The following KIAA1671 variants were observed in gnomAD, a reference collection of about 807,000 sequenced individuals.
KIAA1671 encodes uncharacterized protein KIAA1671.
KIAA1671 carries 52 observed loss-of-function variants against 131.2 expected under a neutral mutation model. The observed-to-expected ratio is 0.40, with a 90% CI of 0.32 to 0.50. KIAA1671 has a LOEUF of 0.50. Among genes scored for constraint, KIAA1671 ranks in the 20% least tolerant of loss-of-function variants. The probability of loss-of-function intolerance (pLI) is 0.73; values close to 1 mark genes in which losing one functional copy is unlikely to be tolerated. For missense variants in KIAA1671, 2,360 were observed against 2,364.2 expected (o/e 1.00, Z 0.04); for synonymous variants, 1,003 against 961.6 (o/e 1.04, Z -0.80).
intron 6 of KIAA1671, among the ~76,000 whole-genome samples, chr22:25,098,261 G>GA (rs956006350): frequency 2.4e-4 from 37 of 152,284 alleles, no homozygotes; most frequent in Non-Finnish European, 4.4e-4. Context: ...GCAGGGAAGA[G>GA]AAGGCAAATA....
intron 6 of KIAA1671, among the ~76,000 whole-genome samples, chr22:25,084,527 A>G (rs1929597127): frequency 6.6e-6 from 1 of 150,932 alleles, no homozygotes; most frequent in Admixed American, 6.6e-5. Context: ...TGATCCTCCC[A>G]GATTCTGCAG....
At chr22:24,980,953 G>A (rs1174714517) in intron 1 of KIAA1671, among the ~76,000 whole-genome samples, 2 of 151,878 alleles carry the variant, frequency 1.3e-5, no homozygotes, top group African/African-American at 2.4e-5. Context: ...CACCATGTTG[G>A]CCAGGCTGGT....
chr22:25,195,771 C>G lies in KIAA1671; in HGVS notation c.*3370C>G, dbSNP rs1347518564. 6.6e-6 allele frequency: 1 copy of G among 152,100 alleles called. No individual in the cohort carries two copies. Among genetic ancestry groups the G allele is most frequent in the Non-Finnish European group, 1.5e-5 (1 of 68,024 alleles). 9.4% of individuals were successfully genotyped at this position (152,100 alleles called of 1,614,324 possible). ...TAATGCCCCCAGATGGCTCCTGGAA[C>G]TAGTCGTAATTGCAAACTGTAAAAA... On this transcript the variant is annotated 3_prime_UTR_variant, in exon 13 of 13. Transcript: ENST00000358431.
chr22:25,067,026 C>A (rs1033321425), intron 6 of KIAA1671, among the ~76,000 whole-genome samples: 16 of 152,158 alleles, frequency 1.1e-4, no homozygotes, highest in African/African-American at 3.4e-4. Context: ...CAGCCACACT[C>A]CCCGGGCTGC....
chr22:25,021,829 C>T (rs1602073565), intron 1 of KIAA1671, among the ~76,000 whole-genome samples: 2 of 151,866 alleles, frequency 1.3e-5, no homozygotes, highest in African/African-American at 4.8e-5. Flanking sequence ...CTCTGTTGCC[C>T]AGGCTGGAGT....
chr22:25,024,856 G>T (rs1253892663), intron 1 of KIAA1671, among the ~76,000 whole-genome samples: 1 of 151,696 alleles, frequency 6.6e-6, no homozygotes, highest in African/African-American at 2.4e-5. Flanking sequence ...CGTATTAAAT[G>T]TAACAGTGTA....
intron 6 of KIAA1671, among the ~76,000 whole-genome samples, chr22:25,092,878 C>A (rs1198991069): frequency 6.6e-6 from 1 of 152,176 alleles, no homozygotes; most frequent in Non-Finnish European, 1.5e-5. Flanking sequence ...AGAGGAGAGG[C>A]TGGCCTGGGC....
chr22:25,096,597 C>T (rs575616622), intron 6 of KIAA1671, among the ~76,000 whole-genome samples: 35 of 152,336 alleles, frequency 2.3e-4, no homozygotes, highest in Admixed American at 2.1e-3. Context: ...GAGCCAACAC[C>T]ATTATTATTT....
intron 6 of KIAA1671, among the ~76,000 whole-genome samples, chr22:25,121,004 G>C (rs1931911564): frequency 6.6e-6 from 1 of 152,174 alleles, no homozygotes; most frequent in Non-Finnish European, 1.5e-5. Flanking sequence ...AGGCCCCTTT[G>C]TTACTCTCAC....
At chr22:25,031,117 C>T (rs907481172) in intron 3 of KIAA1671, among the ~76,000 whole-genome samples, 2 of 152,126 alleles carry the variant, frequency 1.3e-5, no homozygotes, top group Admixed American at 6.5e-5. Context: ...ACCTCCACCT[C>T]CCGGGTTCAA....
At chr22:24,975,944 G>A (rs1474170566) in intron 1 of KIAA1671, among the ~76,000 whole-genome samples, 4 of 152,100 alleles carry the variant, frequency 2.6e-5, no homozygotes, top group Admixed American at 6.5e-5. Flanking sequence ...GGGTTTCCCC[G>A]CACCATCCAC....
intron 10 of KIAA1671, among the ~76,000 whole-genome samples, chr22:25,183,823 T>TCCTC (rs1371672981): frequency 3.5e-5 from 5 of 143,928 alleles, no homozygotes; most frequent in East Asian, 2.2e-4. Flanking sequence ...CATCTGGCCT[T>TCCTC]CCTCCCTCCC....
intron 1 of KIAA1671, among the ~76,000 whole-genome samples, chr22:25,022,306 C>A (rs1925718713): frequency 1.3e-5 from 2 of 152,204 alleles, no homozygotes; most frequent in African/African-American, 2.4e-5. Flanking sequence ...TAGAATGAAT[C>A]AACACCTCTG....
intron 6 of KIAA1671, among the ~76,000 whole-genome samples, chr22:25,155,887 TTGTGTA>T (rs943665339): frequency 1.3e-5 from 2 of 150,888 alleles, no homozygotes; most frequent in Non-Finnish European, 2.9e-5. Flanking sequence ...GTACTTGTAT[TTGTGTA>T]TGTGTATGTA....
chr22:24,968,571 G>A (rs529289297), intron 1 of KIAA1671, among the ~76,000 whole-genome samples: 1 of 152,306 alleles, frequency 6.6e-6, no homozygotes, highest in African/African-American at 2.4e-5. Context: ...CTTTCAGCCT[G>A]GCTGGGAGCT....
chr22:25,103,381 C>T (rs182149449), intron 6 of KIAA1671, among the ~76,000 whole-genome samples: 5 of 152,014 alleles, frequency 3.3e-5, no homozygotes, highest in South Asian at 2.1e-4. Flanking sequence ...CGGCTAAAGA[C>T]GGAGTCTTGC....
At chr22:24,968,035 G>GCAAC (rs1219062478) in intron 1 of KIAA1671, among the ~76,000 whole-genome samples, 1 of 152,016 alleles carries the variant, frequency 6.6e-6, no homozygotes. Flanking sequence ...GGACGCTTTG[G>GCAAC]CAACCAGTAG....
intron 10 of KIAA1671, among the ~76,000 whole-genome samples, chr22:25,183,055 A>G (rs1238711173): frequency 6.7e-6 from 1 of 150,202 alleles, no homozygotes; most frequent in Non-Finnish European, 1.5e-5. Flanking sequence ...TGGGTGAGGA[A>G]AGAGGCCCTT....
intron 1 of KIAA1671, among the ~76,000 whole-genome samples, chr22:24,976,795 TG>T (rs1291545474): frequency 2.6e-5 from 4 of 151,912 alleles, no homozygotes; most frequent in Admixed American, 2.6e-4. Flanking sequence ...ACTGCCAGGT[TG>T]GGGTGCTTGG....
Sources: gnomAD v4.1 joint callset for allele counts (sites outside exome capture counted in the v4.1 genomes callset) on GRCh38, gnomAD v4.1.1 for gene constraint, MANE v1.5 for transcripts, NCBI Gene and HGNC (gene_info 2026-07-23, HGNC 2026-07-21) for gene names.